The following GPHN variants were observed in gnomAD, a reference collection of about 807,000 sequenced individuals.
The protein encoded by GPHN is gephyrin.
Under a neutral mutation model 95.5 loss-of-function variants are expected in GPHN, and 17 were observed. The ratio of observed to expected loss-of-function variants is 0.18; its 90% confidence interval spans 0.12 to 0.27. The LOEUF (loss-of-function observed/expected upper bound fraction) is 0.27. Among genes scored for constraint, GPHN ranks in the 10% least tolerant of loss-of-function variants. The pLI, the probability that GPHN is intolerant of heterozygous loss-of-function variation, is 1.00. For missense variants in GPHN, 660 were observed against 978.1 expected (o/e 0.67, Z 4.34); for synonymous variants, 320 against 322.5 (o/e 0.99, Z 0.08).
chr14:67,302,403 T>TA, the GPHN span: 17 of 1,529,204 alleles, frequency 1.1e-5, no homozygotes, highest in South Asian at 1.5e-4. Context: ...CATATATATA[T>TA]TTTTAGGGTG....
At chr14:67,053,011 C>T (rs565929709) in intron 10 of GPHN, among the ~76,000 whole-genome samples, 16 of 150,754 alleles carry the variant, frequency 1.1e-4, no homozygotes, top group South Asian at 2.1e-4. Context: ...CTCAAATTGA[C>T]GTCCTAATAT....
chr14:67,695,663 G>C, the GPHN span: 11 of 1,614,056 alleles, frequency 6.8e-6, no homozygotes, highest in Non-Finnish European at 9.3e-6. Flanking sequence ...CAGAAGGAAG[G>C]GCAGAAGGAG....
the GPHN span, among the ~76,000 whole-genome samples, chr14:67,325,528 G>A: frequency 6.6e-6 from 1 of 152,142 alleles, no homozygotes; most frequent in African/African-American, 2.4e-5. Context: ...CATGGTCACT[G>A]GCTGTTCTTG....
At chr14:67,177,949 C>T (rs183931682) in intron 21 of GPHN, among the ~76,000 whole-genome samples, 3 of 152,212 alleles carry the variant, frequency 2.0e-5, no homozygotes, top group Admixed American at 6.5e-5. Context: ...TATTTTGAGC[C>T]TATTTGTGTC....
the GPHN span, among the ~76,000 whole-genome samples, chr14:67,404,435 C>A: frequency 1.3e-5 from 2 of 152,272 alleles, no homozygotes; most frequent in East Asian, 3.9e-4. Context: ...CCAGCCTGGG[C>A]AACATAGTGA....
the GPHN span, chr14:67,600,294 G>GC: frequency 8.8e-7 from 1 of 1,141,700 alleles, no homozygotes; most frequent in Admixed American, 3.2e-5. Flanking sequence ...GCTTCCGGCA[G>GC]CCGCGTCACC....
intron 1 of GPHN, among the ~76,000 whole-genome samples, chr14:66,678,690 G>A (rs1349128729): frequency 1.3e-5 from 2 of 151,944 alleles, no homozygotes; most frequent in Non-Finnish European, 2.9e-5. Flanking sequence ...TATATGGTTA[G>A]CAATTTCGTC....
At chr14:67,430,842 G>C in the GPHN span, among the ~76,000 whole-genome samples, 1 of 152,162 alleles carries the variant, frequency 6.6e-6, no homozygotes, top group African/African-American at 2.4e-5. Flanking sequence ...AGGATTCTGT[G>C]ATCAAAGCAG....
chr14:67,242,548 A>T, the GPHN span, among the ~76,000 whole-genome samples: 2 of 152,198 alleles, frequency 1.3e-5, no homozygotes, highest in South Asian at 4.1e-4. Context: ...GGAACAAATG[A>T]CGTGTTGGTT....
chr14:67,502,664 C>T, the GPHN span, among the ~76,000 whole-genome samples: 14 of 151,912 alleles, frequency 9.2e-5, no homozygotes, highest in Admixed American at 7.9e-4. Flanking sequence ...GTTGGTCAGG[C>T]TGGTCTCAAA....
chr14:67,091,405 T>C (rs2077141977), intron 12 of GPHN, among the ~76,000 whole-genome samples: 1 of 151,922 alleles, frequency 6.6e-6, no homozygotes, highest in African/African-American at 2.4e-5. Flanking sequence ...CCCAATGTCA[T>C]TGTTGGCTTG....
chr14:66,761,282 G>A lies in GPHN; in HGVS notation c.144-15182G>A, dbSNP rs1167540733. Among the ~76,000 whole-genome samples, 4 of 152,050 alleles carry A rather than the reference G, an allele frequency of 2.6e-5. No homozygotes were observed. In the East Asian group the frequency reaches 7.7e-4, roughly 29 times the overall value. On this transcript the variant is annotated intron_variant, in intron 2 of 22. Transcript: ENST00000478722. Reference sequence around the variant, plus strand: ...AGAAGTGAATTGTGGATGTAAAATGGTTATGCCATTTGGATAATGGCACTA... The same window carrying A: ...AGAAGTGAATTGTGGATGTAAAATGATTATGCCATTTGGATAATGGCACTA...
the GPHN span, chr14:67,648,394 A>G: frequency 2.3e-6 from 1 of 441,656 alleles, no homozygotes; most frequent in East Asian, 3.5e-5. Context: ...AATTACACTA[A>G]GGTAATAATG....
the GPHN span, chr14:67,649,106 G>A: frequency 2.3e-4 from 35 of 152,164 alleles, no homozygotes; most frequent in African/African-American, 8.4e-4. Context: ...AGAGAACTTG[G>A]GGGTTCAATT....
At chr14:67,409,069 TA>T in the GPHN span, among the ~76,000 whole-genome samples, 273 of 138,896 alleles carry the variant, frequency 2.0e-3, 1 homozygote, top group African/African-American at 7.0e-3. Context: ...AAAAAAGAAA[TA>T]AAAAAAAAGC....
the GPHN span, among the ~76,000 whole-genome samples, chr14:67,425,893 C>A: frequency 6.6e-6 from 1 of 151,566 alleles, no homozygotes; most frequent in Non-Finnish European, 1.5e-5. Context: ...CCCCACACCC[C>A]ACATCTTGTC....
the GPHN span, among the ~76,000 whole-genome samples, chr14:67,368,545 T>C: frequency 1.3e-5 from 2 of 152,152 alleles, no homozygotes; most frequent in Non-Finnish European, 2.9e-5. Flanking sequence ...GGATGCCAAG[T>C]AGTTAAATAT....
intron 1 of GPHN, among the ~76,000 whole-genome samples, chr14:66,511,418 G>A (rs1381931618): frequency 1.3e-5 from 2 of 151,916 alleles, no homozygotes; most frequent in East Asian, 1.9e-4. Context: ...GGCATGCTTC[G>A]TAATACTAAT....
At chr14:66,585,786 G>T (rs1169481574) in intron 1 of GPHN, among the ~76,000 whole-genome samples, 4 of 152,148 alleles carry the variant, frequency 2.6e-5, no homozygotes, top group Non-Finnish European at 5.9e-5. Context: ...TTTTACATTT[G>T]CTGAGGAGTG....
Sources: gnomAD v4.1 joint callset for allele counts (sites outside exome capture counted in the v4.1 genomes callset) on GRCh38, gnomAD v4.1.1 for gene constraint, MANE v1.5 for transcripts, NCBI Gene and HGNC (gene_info 2026-07-23, HGNC 2026-07-21) for gene names.